The following SATL1 variants were observed in gnomAD, a reference collection of about 807,000 sequenced individuals.
SATL1 encodes the protein spermidine/spermine N(1)-acetyltransferase-like protein 1.
A neutral mutation model predicts 51.8 loss-of-function variants in SATL1; 47 were observed. The observed-to-expected ratio is 0.91, with a 90% CI of 0.72 to 1.16. The LOEUF is 1.16. Ranked by LOEUF, SATL1 falls within the 50% of genes most tolerant of loss-of-function variation. SATL1 has a pLI of 0.00. For synonymous variants in SATL1, 176 were observed against 182.4 expected (o/e 0.97, Z 0.28); for missense variants, 520 against 526.4 (o/e 0.99, Z 0.12).
At chrX:85,180,547 A>G (rs1414348422) in intron 2 of SATL1, among the ~76,000 whole-genome samples, 2 of 112,062 alleles carry the variant, frequency 1.8e-5, no homozygotes, top group Non-Finnish European at 3.8e-5. Context: ...TGGAACAAGC[A>G]TCATATATGC....
At chrX:85,187,056 C>T (rs138105053) in intron 2 of SATL1, among the ~76,000 whole-genome samples, 2,503 of 111,650 alleles carry the variant, frequency 0.022, 66 homozygotes, top group African/African-American at 0.077. Context: ...CTTTCATCAG[C>T]GTTTTGTAGT....
intron 2 of SATL1, among the ~76,000 whole-genome samples, chrX:85,132,266 C>T (rs1399703156): frequency 8.9e-6 from 1 of 111,946 alleles, no homozygotes; most frequent in African/African-American, 3.3e-5. Context: ...TTCCATTCTC[C>T]TCGTCACTTT....
intron 2 of SATL1, among the ~76,000 whole-genome samples, chrX:85,125,056 T>A (rs183134276): frequency 6.2e-4 from 69 of 110,566 alleles, no homozygotes; most frequent in African/African-American, 2.1e-3. Context: ...GAGACAGGAA[T>A]AAGACCCAGG....
intron 2 of SATL1, among the ~76,000 whole-genome samples, chrX:85,132,814 G>A (rs1209410962): frequency 1.8e-5 from 2 of 111,719 alleles, no homozygotes; most frequent in African/African-American, 3.3e-5. Context: ...CTTTGATGAT[G>A]GTGACCTACA....
chrX:85,127,217 T>C (rs754142459), intron 2 of SATL1, among the ~76,000 whole-genome samples: 7 of 110,988 alleles, frequency 6.3e-5, no homozygotes, highest in Non-Finnish European at 1.1e-4. Context: ...TTAATCTCTC[T>C]GAGCCTGATC....
intron 2 of SATL1, among the ~76,000 whole-genome samples, chrX:85,153,133 AT>A (rs1485943684): frequency 9.0e-6 from 1 of 111,014 alleles, no homozygotes; most frequent in Non-Finnish European, 1.9e-5. Context: ...TATATGAGTC[AT>A]TTATTTCTAT....
chrX:85,181,906 T>A (rs1927212439), intron 2 of SATL1, among the ~76,000 whole-genome samples: 1 of 111,573 alleles, frequency 9.0e-6, no homozygotes, highest in Non-Finnish European at 1.9e-5. Context: ...TTTCTGGATT[T>A]TTTTGTACAT....
intron 2 of SATL1, chrX:85,142,698 G>T (rs1293560058): frequency 9.0e-6 from 1 of 111,668 alleles, no homozygotes; most frequent in African/African-American, 3.3e-5. Context: ...GCTTGTCAAG[G>T]TGACTTAGAT....
At chrX:85,109,318 A>C in intron 2 of SATL1, 38 bp from the exon 3 acceptor site, 1 of 276,835 alleles carries the variant, frequency 3.6e-6, no homozygotes, top group South Asian at 7.0e-5. Flanking sequence ...GACGAAAATG[A>C]TCCTGGAGGA....
chrX:85,212,924 T>C (rs1166071640), intron 2 of SATL1: 1 of 111,708 alleles, frequency 9.0e-6, no homozygotes, highest in Non-Finnish European at 1.9e-5. Flanking sequence ...AATGATATGA[T>C]AGAATTAGAC....
At chrX:85,195,725 T>G (rs898466744) in intron 2 of SATL1, among the ~76,000 whole-genome samples, 1 of 109,500 alleles carries the variant, frequency 9.1e-6, no homozygotes, top group Non-Finnish European at 1.9e-5. Flanking sequence ...GGCAGGAGAA[T>G]TGCTTGAACC....
chrX:85,130,444 A>T (rs910782307), intron 2 of SATL1, among the ~76,000 whole-genome samples: 4 of 111,552 alleles, frequency 3.6e-5, no homozygotes, highest in Non-Finnish European at 5.6e-5. Context: ...AGAGGTGTTT[A>T]TAGTATTCTC....
chrX:85,230,463 G>A (rs1216698237), intron 1 of SATL1, among the ~76,000 whole-genome samples: 3 of 111,798 alleles, frequency 2.7e-5, no homozygotes, highest in Non-Finnish European at 5.7e-5. Flanking sequence ...ACCTAAAACT[G>A]TAAAATGCCT....
At chrX:85,187,010 G>C (rs1190884319) in intron 2 of SATL1, among the ~76,000 whole-genome samples, 1 of 111,244 alleles carries the variant, frequency 9.0e-6, no homozygotes, top group Non-Finnish European at 1.9e-5. Context: ...CATGGGCATG[G>C]GCTATTTTTC....
At chrX:85,161,288 G>A (rs1476376750) in intron 2 of SATL1, among the ~76,000 whole-genome samples, 1 of 110,756 alleles carries the variant, frequency 9.0e-6, no homozygotes, top group African/African-American at 3.3e-5. Context: ...CATGATGACA[G>A]GATCAAATCC....
intron 2 of SATL1, among the ~76,000 whole-genome samples, chrX:85,111,131 A>C (rs1003621758): frequency 1.8e-5 from 2 of 113,111 alleles, no homozygotes; most frequent in South Asian, 7.2e-4. Context: ...TGTTGTGAGA[A>C]TGGATGAAGT....
chrX:85,205,814 A>C (rs1458256211), intron 2 of SATL1, among the ~76,000 whole-genome samples: 1 of 111,832 alleles, frequency 8.9e-6, no homozygotes, highest in African/African-American at 3.3e-5. Context: ...GGAAGGGGCC[A>C]TGACTATAAG....
intron 2 of SATL1, among the ~76,000 whole-genome samples, chrX:85,117,875 A>G (rs1311889138): frequency 9.1e-6 from 1 of 110,456 alleles, no homozygotes; most frequent in East Asian, 2.8e-4. Context: ...TTTTCCAGAT[A>G]TCATCAGCAA....
At chrX:85,189,173 C>A (rs1191659804) in intron 2 of SATL1, among the ~76,000 whole-genome samples, 1 of 111,365 alleles carries the variant, frequency 9.0e-6, no homozygotes, top group Non-Finnish European at 1.9e-5. Flanking sequence ...TTCTTCTACC[C>A]CTGGTTATTT....
Sources: allele counts gnomAD v4.1 joint callset (sites outside exome capture counted in the v4.1 genomes callset), GRCh38; gene constraint gnomAD v4.1.1; transcripts MANE v1.5; gene names NCBI Gene and HGNC (gene_info 2026-07-23, HGNC 2026-07-21).